LRRC72: variants seen among roughly 807,000 people sequenced by gnomAD.
The protein encoded by LRRC72 is leucine-rich repeat-containing protein 72.
A neutral mutation model predicts 35.8 loss-of-function variants in LRRC72; 41 were observed. The ratio of observed to expected loss-of-function variants is 1.15; its 90% CI spans 0.89 to 1.49. LRRC72 has a LOEUF of 1.49. Ranked by LOEUF, LRRC72 falls within the 40% of genes most tolerant of loss-of-function variation. The pLI is 0.00. For synonymous variants in LRRC72, 118 were observed against 119.2 expected, an observed-to-expected ratio of 0.99 and a Z score of 0.07; for missense variants, 389 against 330.7, an observed-to-expected ratio of 1.18 and a Z score of -1.37.
At chr7:16,571,256 G>T (rs1228250718) in intron 7 of LRRC72, among the ~76,000 whole-genome samples, 1 of 152,058 alleles carries the variant, frequency 6.6e-6, no homozygotes, top group African/African-American at 2.4e-5. Flanking sequence ...AAGTTAACCT[G>T]AAAAATTTGT....
intron 7 of LRRC72, 77 bp from the exon 8 acceptor site, chr7:16,579,997 T>C: frequency 3.1e-6 from 1 of 317,490 alleles, no homozygotes; most frequent in Non-Finnish European, 6.5e-6. Flanking sequence ...ACTTTTCCTT[T>C]ATAGCATTGT....
chr7:16,558,812 G>A, intron 4 of LRRC72, 77 bp from the exon 5 acceptor site: 1 of 850,734 alleles, frequency 1.2e-6, no homozygotes, highest in African/African-American at 1.8e-5. Flanking sequence ...CATTAAAAAT[G>A]TTTATTTTTA....
intron 3 of LRRC72, among the ~76,000 whole-genome samples, chr7:16,543,545 C>T (rs1782395611): frequency 6.6e-6 from 1 of 152,124 alleles, no homozygotes; most frequent in East Asian, 1.9e-4. Flanking sequence ...AGTTTTGGTA[C>T]ATACTCCTCC....
intron 7 of LRRC72, among the ~76,000 whole-genome samples, chr7:16,577,641 G>C (rs1189713062): frequency 6.6e-6 from 1 of 152,092 alleles, no homozygotes; most frequent in African/African-American, 2.4e-5. Flanking sequence ...ATGCAAAATT[G>C]GAGGAAGTCT....
At position 16,553,460 on chromosome 7, in the gene LRRC72, G is replaced by A. The variant is rs563295476; in HGVS notation, c.235-3900G>A. On this transcript the variant is annotated intron_variant, in intron 3 of 8. Coordinates refer to ENST00000401542, the MANE Select transcript of LRRC72 (RefSeq NM_001195280.2). ...ATAAATAACATTGGGCTTTTGTTGG[G>A]ATTATATTGTATAGTGTCTGTGAAA... is the stretch of plus-strand genomic sequence containing the variant. Among the ~76,000 whole-genome samples the A allele has an allele frequency of 7.2e-5, 11 of 152,288 alleles. No homozygotes were observed. In the South Asian group the frequency reaches 2.1e-3, roughly 29 times the overall value.
At chr7:16,562,654 G>A (rs538526882) in intron 5 of LRRC72, among the ~76,000 whole-genome samples, 1 of 152,170 alleles carries the variant, frequency 6.6e-6, no homozygotes, top group African/African-American at 2.4e-5. Context: ...CCAATCCACT[G>A]CCCATGGCAA....
intron 7 of LRRC72, among the ~76,000 whole-genome samples, chr7:16,569,837 C>G (rs1396479140): frequency 6.6e-6 from 1 of 151,968 alleles, no homozygotes; most frequent in Admixed American, 6.6e-5. Flanking sequence ...TTGAGACCAG[C>G]CTGGACAACA....
chr7:16,535,715 A>G (rs2128334785), intron 2 of LRRC72, among the ~76,000 whole-genome samples: 1 of 152,316 alleles, frequency 6.6e-6, no homozygotes, highest in South Asian at 2.1e-4. Context: ...CGTCATTTGG[A>G]TCCTTATGTG....
intron 3 of LRRC72, among the ~76,000 whole-genome samples, chr7:16,538,067 T>G (rs1782293683): frequency 6.6e-6 from 1 of 152,178 alleles, no homozygotes; most frequent in Non-Finnish European, 1.5e-5. Context: ...TACAGCCCAT[T>G]GAGTCATAGT....
Position 16,567,552 on chromosome 7 carries a change from T to TAAAAAAAAAAAAAAAAAAAAA in LRRC72, c.670+26_670+27insAAAAAAAAAAAAAAAAAAAAA. ...CCAGAGAGTACCTTCAGGTATTTCG[T>TAAAAAAAAAAAAAAAAAAAAA]AAAAAAAAAAAAAAAAACAAATTTA... On this transcript the variant is annotated intron_variant, in intron 7 of 8. Transcript: ENST00000401542. 1 of 1,091,612 alleles carries TAAAAAAAAAAAAAAAAAAAAA rather than the reference T, an allele frequency of 9.2e-7. No homozygotes were observed. The allele number at this position is 1,091,612 out of a possible 1,614,324, so 67.6% of individuals were successfully genotyped here.
intron 5 of LRRC72, among the ~76,000 whole-genome samples, chr7:16,562,375 C>G (rs1782758317): frequency 6.6e-6 from 1 of 152,156 alleles, no homozygotes; most frequent in South Asian, 2.1e-4. Context: ...CCACCGCCAC[C>G]AAAAGCCGCA....
At chr7:16,532,384 A>G in intron 1 of LRRC72, 111 bp from the exon 2 acceptor site, 1 of 719,826 alleles carries the variant, frequency 1.4e-6, no homozygotes, top group Admixed American at 2.2e-5. Flanking sequence ...GGTTACCTCC[A>G]TATTCACCTT....
Position 16,557,361 on chromosome 7 carries a change from T to G in LRRC72, c.236T>G (p.Leu79Arg). The G allele has an allele frequency of 8.0e-7, 1 of 1,253,392 alleles. No individual in the cohort carries two copies. Among genetic ancestry groups the G allele is most frequent in the Non-Finnish European group, 1.1e-6 (1 of 951,034 alleles). The allele number at this position is 1,253,392 out of a possible 1,614,324, so 77.6% of individuals were successfully genotyped here. A position where few individuals can be genotyped will look rare whatever the true frequency, so the allele number is the denominator to read the frequency against. Residue 79 changes from leucine (L) to arginine (R), a missense_variant and splice_region_variant, in exon 4 of 9, where the codon CTC becomes CGC. Physicochemically the swap from Leu to Arg is moderately radical, Grantham distance 102 (BLOSUM62 -2). Transcript: ENST00000401542. ...TTGTTCTCTAACTCTCATTTTTAGC[T>G]CCATGGAATAACATTTCTAACTAGA... ...LKYLWLHHNK[L>R]HGITFLTRNY...
chr7:16,567,552 TAAAAA>T lies in LRRC72; in HGVS notation c.670+22_670+26del. 7 of 1,091,534 alleles carry T rather than the reference TAAAAA, an allele frequency of 6.4e-6. No homozygotes were observed. Among genetic ancestry groups the T allele is most frequent in the South Asian group, 7.6e-5 (2 of 26,486 alleles). 67.6% of individuals were successfully genotyped at this position (1,091,534 alleles called of 1,614,324 possible). ...CCAGAGAGTACCTTCAGGTATTTCG[TAAAAA>T]AAAAAAAAAAAACAAATTTAATGAA... On this transcript the variant is annotated intron_variant, in intron 7 of 8. Coordinates refer to ENST00000401542, the MANE Select transcript of LRRC72 (RefSeq NM_001195280.2).
intron 3 of LRRC72, among the ~76,000 whole-genome samples, chr7:16,540,286 C>T (rs573818736): frequency 1.3e-5 from 2 of 152,356 alleles, no homozygotes; most frequent in East Asian, 1.9e-4. Context: ...TTCTGAATTG[C>T]ATGAGGCCTG....
At chr7:16,538,952 T>C (rs1251506521) in intron 3 of LRRC72, among the ~76,000 whole-genome samples, 1 of 152,216 alleles carries the variant, frequency 6.6e-6, no homozygotes, top group Non-Finnish European at 1.5e-5. Context: ...CTTGGGGAGT[T>C]CTTTATAGCA....
intron 5 of LRRC72, among the ~76,000 whole-genome samples, chr7:16,563,666 CA>C (rs1326179487): frequency 6.6e-6 from 1 of 151,912 alleles, no homozygotes; most frequent in African/African-American, 2.4e-5. Context: ...CTCATAAATC[CA>C]AAATGTTAAA....
At chr7:16,530,876 C>T (rs186814179) in intron 1 of LRRC72, among the ~76,000 whole-genome samples, 1 of 152,262 alleles carries the variant, frequency 6.6e-6, no homozygotes, top group East Asian at 1.9e-4. Flanking sequence ...GTAGTAGAGG[C>T]TGATAGTTGA....
At chr7:16,574,746 A>G (rs1783007995) in intron 7 of LRRC72, among the ~76,000 whole-genome samples, 1 of 151,972 alleles carries the variant, frequency 6.6e-6, no homozygotes, top group South Asian at 2.1e-4. Flanking sequence ...ATGTGTACCT[A>G]TGTAACAAGC....
Sources: gnomAD v4.1 joint callset for allele counts (sites outside exome capture counted in the v4.1 genomes callset) on GRCh38, gnomAD v4.1.1 for gene constraint, MANE v1.5 for transcripts, NCBI Gene and HGNC (gene_info 2026-07-23, HGNC 2026-07-21) for gene names.